Variants in LRRC43 observed in about 807,000 individuals in gnomAD.
The protein encoded by LRRC43 is leucine rich repeat containing 43.
A neutral mutation model predicts 64.3 loss-of-function variants in LRRC43; 62 were observed. The ratio of observed to expected loss-of-function variants is 0.96; its 90% confidence interval spans 0.79 to 1.19. LRRC43 has a LOEUF of 1.19. LRRC43 is among the 50% of genes most tolerant of loss of function. LRRC43 has a pLI of 0.00. For synonymous variants in LRRC43, 422 were observed against 382.3 expected (o/e 1.10, Z -1.21); for missense variants, 868 against 845.0 (o/e 1.03, Z -0.34).
intron 11 of LRRC43, 76 bp from the exon 12 acceptor site, chr12:122,203,236 ATAT>A: frequency 6.5e-7 from 1 of 1,535,484 alleles, no homozygotes; most frequent in Non-Finnish European, 8.8e-7. Flanking sequence ...CAGGGCTTGC[ATAT>A]GGGATGGGTC....
At chr12:122,188,720 CG>C (rs988959781) in intron 4 of LRRC43, among the ~76,000 whole-genome samples, 1 of 152,132 alleles carries the variant, frequency 6.6e-6, no homozygotes, top group Non-Finnish European at 1.5e-5. Context: ...GGATTACAGG[CG>C]TGAGCCACCG....
chr12:122,169,490 T>C (rs938289081), intron 1 of LRRC43, among the ~76,000 whole-genome samples: 7 of 151,920 alleles, frequency 4.6e-5, no homozygotes, highest in African/African-American at 1.7e-4. Context: ...CCGAGACAGG[T>C]GGATCACGAG....
At position 122,200,141 on chromosome 12, in the gene LRRC43, A is replaced by G; in HGVS notation, c.1350-48A>G. 6.3e-7 allele frequency: 1 copy of G among 1,593,956 alleles called. No homozygotes were observed. The highest frequency in any genetic ancestry group is 8.6e-7 in the Non-Finnish European group (1 of 1,169,494). On this transcript the variant is annotated intron_variant, in intron 7 of 11. Coordinates refer to ENST00000339777, the MANE Select transcript of LRRC43 (RefSeq NM_001098519.2). This position sits in a 1 kb window ranked among gnomAD's most constrained non-coding sequence, Gnocchi z 4.6. ...ACAGTCCTGTCCCGGGTCCCTGGCC[A>G]CAGCCCCTGGGTGACGGCACCCCCG... is the stretch of plus-strand genomic sequence containing the variant.
chr12:122,172,717 C>A, intron 1 of LRRC43: 1 of 1,612,530 alleles, frequency 6.2e-7, no homozygotes, highest in Non-Finnish European at 8.5e-7. Flanking sequence ...TTCTGGGACA[C>A]GAGCACGCCC....
chr12:122,189,291 G>C (rs1188072776), intron 4 of LRRC43: 11 of 376,228 alleles, frequency 2.9e-5, no homozygotes, highest in African/African-American at 8.4e-5. Flanking sequence ...GAGGAACCTG[G>C]AGGGCATGCC....
intron 1 of LRRC43, among the ~76,000 whole-genome samples, chr12:122,171,638 G>C (rs1953486047): frequency 6.6e-6 from 1 of 152,012 alleles, no homozygotes; most frequent in South Asian, 2.1e-4. Context: ...TGGGATATCT[G>C]ATCTGTGTTA....
chr12:122,199,198 G>C (rs536453710), intron 7 of LRRC43, among the ~76,000 whole-genome samples: 47 of 151,672 alleles, frequency 3.1e-4, no homozygotes, highest in African/African-American at 1.1e-3. Context: ...GCTGCTTCAG[G>C]GTTGCCATGG....
At chr12:122,173,660 G>A (rs1354462862) in intron 1 of LRRC43, among the ~76,000 whole-genome samples, 1 of 151,608 alleles carries the variant, frequency 6.6e-6, no homozygotes, top group East Asian at 1.9e-4. Flanking sequence ...CTCCAGCCTG[G>A]GTGACAGAGT....
intron 4 of LRRC43, 37 bp downstream of exon 4, chr12:122,187,877 G>C (rs1465472429): frequency 3.7e-6 from 6 of 1,609,272 alleles, no homozygotes; most frequent in Non-Finnish European, 5.1e-6. Flanking sequence ...GAGAGGGAGG[G>C]ATTAAGTATC....
chr12:122,193,238 A>C (rs56394874), intron 7 of LRRC43, among the ~76,000 whole-genome samples: 28,809 of 151,622 alleles, frequency 0.19, 3,463 homozygotes, highest in Non-Finnish European at 0.27. Flanking sequence ...AAAATTAGCC[A>C]GGCGTGGTGG....
chr12:122,191,443 C>G lies in LRRC43; in HGVS notation c.965C>G (p.Thr322Ser). 1 of 1,614,108 alleles carries G rather than the reference C, an allele frequency of 6.2e-7. No homozygotes were observed. Among genetic ancestry groups the G allele is most frequent in the Non-Finnish European group, 8.5e-7 (1 of 1,180,004 alleles). Residue 322 changes from threonine to serine, a missense_variant, in exon 6 of 12, where the codon ACC becomes AGC. Coordinates refer to ENST00000339777, the MANE Select transcript of LRRC43 (RefSeq NM_001098519.2). The part of the protein sequence containing the change: ...TIGNIRGVLD[T>S]SVLDPEPRPE... ...GGAAACATCAGAGGAGTCCTGGACA[C>G]CTCTGTCTTAGACCCGGAACCCAGG...
intron 7 of LRRC43, among the ~76,000 whole-genome samples, chr12:122,195,282 C>G (rs1046564343): frequency 2.6e-5 from 4 of 151,856 alleles, no homozygotes; most frequent in Non-Finnish European, 5.9e-5. Context: ...GGAGTCTCGC[C>G]CTGTTGCCCA....
chr12:122,201,443 G>A (rs1419683838), intron 11 of LRRC43, 114 bp downstream of exon 11: 4 of 893,316 alleles, frequency 4.5e-6, no homozygotes, highest in Admixed American at 1.9e-5. Flanking sequence ...TTCTGGCCTG[G>A]GGAGAGGCCA....
chr12:122,192,685 C>G, intron 6 of LRRC43, 60 bp from the exon 7 acceptor site: 1 of 1,583,944 alleles, frequency 6.3e-7, no homozygotes, highest in Non-Finnish European at 8.6e-7. Flanking sequence ...ACACCCCCGG[C>G]ATCAGCTGAG....
Position 122,200,623 on chromosome 12 carries a change from AAGAC to A in LRRC43, c.1586_1589del (p.Asp529GlyfsTer16), listed in dbSNP as rs1293526936. Reference sequence around the variant, plus strand: ...GAGAAAGACAAGAAAGGGAAGGAGAAAGACAGGACGGGGAAAGGAGAGAAAGAGC... The same window carrying A: ...GAGAAAGACAAGAAAGGGAAGGAGAAAGGACGGGGAAAGGAGAGAAAGAGC... On this transcript the variant is annotated frameshift_variant, in exon 9 of 12. Transcript: ENST00000339777. LOFTEE classifies it high-confidence loss of function. The surrounding 1 kb of genome is among the most constrained non-coding windows in gnomAD (Gnocchi z 4.6). 24 of 1,614,048 alleles carry A rather than the reference AAGAC, an allele frequency of 1.5e-5. No individual in the cohort carries two copies. The highest frequency in any genetic ancestry group is 5.5e-5 in the South Asian group (5 of 91,080).
Position 122,186,314 on chromosome 12 carries a change from G to T in LRRC43, c.522+14G>T, listed in dbSNP as rs779461164. On this transcript the variant is annotated intron_variant, in intron 3 of 11. Coordinates refer to ENST00000339777, the MANE Select transcript of LRRC43 (RefSeq NM_001098519.2). ...CCCACACTCAAGGTGAAGGAGCCCCGGTCTGTGTTGAGTATTTGGGCCTCC... is the reference window on the plus strand; with the variant it reads ...CCCACACTCAAGGTGAAGGAGCCCCTGTCTGTGTTGAGTATTTGGGCCTCC... 1.9e-6 allele frequency: 3 copies of T among 1,540,620 alleles called. No individual in the cohort carries two copies. Among genetic ancestry groups the T allele is most frequent in the Non-Finnish European group, 2.7e-6 (3 of 1,129,084 alleles).
At chr12:122,172,679 G>A (rs200896376) in intron 1 of LRRC43, 139 of 1,614,112 alleles carry the variant, frequency 8.6e-5, no homozygotes, top group South Asian at 2.5e-4. Context: ...GCGGCTGGGC[G>A]TCAGGGCTGA....
Position 122,200,751 on chromosome 12 carries a change from G to C in LRRC43, c.1626G>C (p.Trp542Cys). The C allele has an allele frequency of 6.2e-7, 1 of 1,613,016 alleles. No homozygotes were observed. Among genetic ancestry groups the C allele is most frequent in the Non-Finnish European group, 8.5e-7 (1 of 1,180,002 alleles). ...CTGTCCTCCCGTCGTCGCAGGAGTGGAAGGTGCTGAAGAAGAAGAAAGAGC... is the reference window on the plus strand; with the variant it reads ...CTGTCCTCCCGTCGTCGCAGGAGTGCAAGGTGCTGAAGAAGAAGAAAGAGC... ...GKGEKEPAKE[W>C]KVLKKKKEPP... Residue 542 changes from tryptophan to cysteine, a missense_variant, in exon 10 of 12, where the codon TGG (tryptophan) becomes TGC (cysteine). Coordinates refer to ENST00000339777, the MANE Select transcript of LRRC43 (RefSeq NM_001098519.2). This position sits in a 1 kb window ranked among gnomAD's most constrained non-coding sequence, Gnocchi z 4.6.
chr12:122,173,697 A>T, intron 1 of LRRC43: 1 of 668,062 alleles, frequency 1.5e-6, no homozygotes, highest in Non-Finnish European at 2.5e-6. Flanking sequence ...AAAAAAAAAA[A>T]AGCCATCTTT....
Sources: allele counts gnomAD v4.1 joint callset (sites outside exome capture counted in the v4.1 genomes callset), GRCh38; gene constraint gnomAD v4.1.1; non-coding constraint Gnocchi (gnomAD v3.1); transcripts MANE v1.5; gene names NCBI Gene and HGNC (gene_info 2026-07-23, HGNC 2026-07-21).